KLF15: variants seen among roughly 807,000 people sequenced by gnomAD.
KLF15 encodes the protein KLF transcription factor 15, also known as Krueppel-like factor 15.
In KLF15, 4 loss-of-function variants were observed where a neutral mutation model predicts 24.6. The observed-to-expected ratio is 0.16, with a 90% CI of 0.08 to 0.37. KLF15 has a LOEUF of 0.37. Among genes scored for constraint, KLF15 ranks in the 10% least tolerant of loss-of-function variants. The pLI is 1.00. For synonymous variants in KLF15, 246 were observed against 236.3 expected (o/e 1.04, Z -0.37); for missense variants, 496 against 560.6 (o/e 0.88, Z 1.16).
chr3:126,296,117 T>C, the KLF15 span, among the ~76,000 whole-genome samples: 535 of 152,348 alleles, frequency 3.5e-3, 1 homozygote, highest in African/African-American at 0.012. Flanking sequence ...TAATATTTTC[T>C]TTAACATCCC....
the KLF15 span, among the ~76,000 whole-genome samples, chr3:126,332,307 G>T: frequency 1.3e-5 from 2 of 148,276 alleles, no homozygotes; most frequent in African/African-American, 5.0e-5. Context: ...CCCAGCAGGG[G>T]CACACTGACA....
At chr3:126,313,224 G>A in the KLF15 span, among the ~76,000 whole-genome samples, 2 of 152,184 alleles carry the variant, frequency 1.3e-5, no homozygotes, top group Non-Finnish European at 2.9e-5. Context: ...CAGCGAAAAG[G>A]CGGCCAGCTG....
At position 126,343,692 on chromosome 3, in the gene KLF15, C is replaced by A; in HGVS notation, c.*35G>T. Reference sequence around the variant, plus strand: ...AAAAAAATGGGGATGGGGTGGGGATCCGGGGTGACGGACAGGCTGGGGTTC... The same window carrying A: ...AAAAAAATGGGGATGGGGTGGGGATACGGGGTGACGGACAGGCTGGGGTTC... On this transcript the variant is annotated 3_prime_UTR_variant, in exon 3 of 3. Coordinates refer to ENST00000296233, the MANE Select transcript of KLF15 (RefSeq NM_014079.4). The A allele has an allele frequency of 6.3e-7, 1 of 1,590,720 alleles. No individual in the cohort carries two copies. Among genetic ancestry groups the A allele is most frequent in the South Asian group, 1.1e-5 (1 of 87,932 alleles).
In KLF15 at chr3:126,352,838, G is replaced by T; in HGVS notation, c.85C>A (p.Arg29=). 6.2e-7 allele frequency: 1 copy of T among 1,610,514 alleles called. No homozygotes were observed. The highest frequency in any genetic ancestry group is 1.1e-5 in the South Asian group (1 of 90,486). The change falls in exon 2 of 3, where the codon CGG becomes AGG. Residue 29 remains arginine, a synonymous_variant. Transcript: ENST00000296233. ...GAGGGCAGCATGTGATATGCCCGCC[G>T]GCCAACCAGCCTATCACCCAGATAC... ...VGYLGDRLVG[R]RAYHMLPSPV...
chr3:126,337,577 T>TA, the KLF15 span, among the ~76,000 whole-genome samples: 20,696 of 150,446 alleles, frequency 0.14, 1,704 homozygotes, highest in Admixed American at 0.23. Context: ...AAAGTATAAT[T>TA]AAAAAAAAAG....
chr3:126,309,466 A>G, the KLF15 span, among the ~76,000 whole-genome samples: 3 of 152,350 alleles, frequency 2.0e-5, no homozygotes, highest in Admixed American at 2.0e-4. Context: ...GTGGCGACAG[A>G]TTCGAGTTGG....
the KLF15 span, among the ~76,000 whole-genome samples, chr3:126,317,170 C>T: frequency 4.6e-5 from 7 of 152,108 alleles, no homozygotes; most frequent in East Asian, 1.9e-4. Context: ...GGGGCTGGGC[C>T]GCATTGCTTC....
chr3:126,298,240 T>C, the KLF15 span, among the ~76,000 whole-genome samples: 1 of 152,002 alleles, frequency 6.6e-6, no homozygotes, highest in Admixed American at 6.5e-5. Context: ...TGGTTGTTTG[T>C]ATATCTTCTT....
the KLF15 span, among the ~76,000 whole-genome samples, chr3:126,300,013 G>C: frequency 2.0e-5 from 3 of 152,118 alleles, no homozygotes; most frequent in African/African-American, 7.2e-5. Context: ...GCCCCCACGT[G>C]TGGTGACATA....
At chr3:126,333,817 G>A in the KLF15 span, among the ~76,000 whole-genome samples, 1 of 140,388 alleles carries the variant, frequency 7.1e-6, no homozygotes, top group African/African-American at 2.7e-5. Context: ...GATCAAAAGA[G>A]ACAAAGAAGG....
At chr3:126,338,356 C>T (rs991348272), downstream of KLF15, among the ~76,000 whole-genome samples, 3 of 152,232 alleles carry the variant, frequency 2.0e-5, no homozygotes, top group Non-Finnish European at 4.4e-5. Context: ...GAGAGAAGAG[C>T]ACTGCCACTT....
the KLF15 span, among the ~76,000 whole-genome samples, chr3:126,316,546 T>TA: frequency 2.9e-5 from 3 of 105,048 alleles, no homozygotes; most frequent in Admixed American, 1.1e-4. Flanking sequence ...TGGGCCGGAG[T>TA]GGGGAAGAGG....
chr3:126,304,817 A>G, the KLF15 span, among the ~76,000 whole-genome samples: 1 of 152,240 alleles, frequency 6.6e-6, no homozygotes, highest in Non-Finnish European at 1.5e-5. Flanking sequence ...AGTATGAGCT[A>G]GGAAAGCTAT....
the KLF15 span, among the ~76,000 whole-genome samples, chr3:126,330,970 A>G: frequency 6.6e-6 from 1 of 152,196 alleles, no homozygotes; most frequent in East Asian, 1.9e-4. Context: ...AGGATGGGGG[A>G]GCCTCATGGG....
chr3:126,302,368 T>C, the KLF15 span, among the ~76,000 whole-genome samples: 1 of 152,194 alleles, frequency 6.6e-6, no homozygotes, highest in African/African-American at 2.4e-5. Context: ...TTGAATTGAG[T>C]GTTCTATAAA....
At chr3:126,306,067 T>C in the KLF15 span, among the ~76,000 whole-genome samples, 1 of 152,260 alleles carries the variant, frequency 6.6e-6, no homozygotes, top group East Asian at 1.9e-4. Flanking sequence ...TACAACTTCT[T>C]CTCCATGGAA....
chr3:126,319,466 T>C, the KLF15 span, among the ~76,000 whole-genome samples: 1 of 152,270 alleles, frequency 6.6e-6, no homozygotes. Flanking sequence ...GTTTTGGGTT[T>C]GGCTATTCTA....
the KLF15 span, among the ~76,000 whole-genome samples, chr3:126,330,416 T>C: frequency 6.6e-6 from 1 of 152,224 alleles, no homozygotes. Context: ...TGGCCATTGA[T>C]TGAACAGTTT....
At chr3:126,298,265 T>C in the KLF15 span, among the ~76,000 whole-genome samples, 3 of 151,858 alleles carry the variant, frequency 2.0e-5, no homozygotes, top group African/African-American at 7.2e-5. Flanking sequence ...AAATTTTCTA[T>C]TCATGTCCTT....
Sources: gnomAD v4.1 joint callset for allele counts (sites outside exome capture counted in the v4.1 genomes callset) on GRCh38, gnomAD v4.1.1 for gene constraint, MANE v1.5 for transcripts, NCBI Gene and HGNC (gene_info 2026-07-23, HGNC 2026-07-21) for gene names.